The following ADAMTS3 variants were observed in gnomAD, a reference collection of about 807,000 sequenced individuals.
The protein encoded by ADAMTS3 is A disintegrin and metalloproteinase with thrombospondin motifs 3.
Under a neutral mutation model 129.0 loss-of-function variants are expected in ADAMTS3, and 73 were observed. The observed-to-expected ratio is 0.57, with a 90% CI of 0.47 to 0.69. ADAMTS3 has a LOEUF of 0.69. Among genes scored for constraint, ADAMTS3 ranks in the 30% least tolerant of loss-of-function variants. ADAMTS3 has a pLI of 0.00. For missense variants in ADAMTS3, 1,457 were observed against 1,514.5 expected (o/e 0.96, Z 0.63); for synonymous variants, 477 against 510.8 (o/e 0.93, Z 0.89).
intron 3 of ADAMTS3, among the ~76,000 whole-genome samples, chr4:72,491,998 A>T (rs1398673052): frequency 6.6e-6 from 1 of 151,670 alleles, no homozygotes; most frequent in Non-Finnish European, 1.5e-5. Flanking sequence ...GTAGTTTGAA[A>T]GTTTCTCAAA....
At chr4:72,444,347 G>C (rs1718197816) in intron 3 of ADAMTS3, among the ~76,000 whole-genome samples, 2 of 151,644 alleles carry the variant, frequency 1.3e-5, no homozygotes. Context: ...ATAAAAAACA[G>C]GTTGGTAGCT....
Position 72,311,171 on chromosome 4 carries a change from T to A in ADAMTS3, c.1932A>T (p.Arg644Ser), listed in dbSNP as rs1345390286. The change falls in exon 14 of 22, where the codon AGA becomes AGT. Residue 644 changes from arginine (R) to serine (S), a missense_variant. Transcript: ENST00000286657. The stretch of plus-strand genomic sequence containing the variant: ...CCTTGGACTGACAGTAAAGGTGGCA[T>A]CTTTTCTTGGCTGCATAAGATGGAG... ...LPYEHPDPKK[R>S]CHLYCQSKET... 6.2e-7 allele frequency: 1 copy of A among 1,610,714 alleles called. No homozygotes were observed. Among genetic ancestry groups the A allele is most frequent in the African/African-American group, 1.3e-5 (1 of 74,790 alleles).
At chr4:72,313,527 CA>C in intron 12 of ADAMTS3, 149 bp downstream of exon 12, 1 of 743,684 alleles carries the variant, frequency 1.3e-6, no homozygotes, top group Non-Finnish European at 2.1e-6. Flanking sequence ...GGAGATGTAT[CA>C]AAAACACAGA....
chr4:72,316,794 A>G (rs1719410058), intron 10 of ADAMTS3, among the ~76,000 whole-genome samples: 1 of 152,118 alleles, frequency 6.6e-6, no homozygotes, highest in Non-Finnish European at 1.5e-5. Context: ...TATTCTAGGT[A>G]CAACAAAATA....
chr4:72,457,848 TTTGTTG>T (rs35050154), intron 3 of ADAMTS3, among the ~76,000 whole-genome samples: 1 of 151,056 alleles, frequency 6.6e-6, no homozygotes, highest in African/African-American at 2.4e-5. Flanking sequence ...ACTCTCTTGT[TTTGTTG>T]TTGTTGTTGT....
chr4:72,400,124 ACG>A (rs1721862645), intron 4 of ADAMTS3, among the ~76,000 whole-genome samples: 1 of 126,944 alleles, frequency 7.9e-6, no homozygotes, highest in Non-Finnish European at 1.7e-5. Context: ...GTGTGTATAT[ACG>A]TGTGTATATA....
intron 3 of ADAMTS3, among the ~76,000 whole-genome samples, chr4:72,471,847 T>C (rs1361743474): frequency 6.6e-6 from 1 of 152,048 alleles, no homozygotes; most frequent in Non-Finnish European, 1.5e-5. Flanking sequence ...TAGATAGATA[T>C]AATCTATATA....
At chr4:72,394,570 C>T (rs1165793106) in intron 4 of ADAMTS3, among the ~76,000 whole-genome samples, 1 of 152,184 alleles carries the variant, frequency 6.6e-6, no homozygotes, top group Non-Finnish European at 1.5e-5. Context: ...GATCTCTTCA[C>T]CCAAAACATT....
At chr4:72,374,505 A>C (rs1000358745) in intron 4 of ADAMTS3, among the ~76,000 whole-genome samples, 3 of 152,212 alleles carry the variant, frequency 2.0e-5, no homozygotes, top group Non-Finnish European at 4.4e-5. Flanking sequence ...GGAAGAAGAA[A>C]GCTATGAATA....
intron 3 of ADAMTS3, among the ~76,000 whole-genome samples, chr4:72,431,110 T>G (rs886722460): frequency 1.3e-5 from 2 of 151,838 alleles, no homozygotes; most frequent in African/African-American, 4.8e-5. Context: ...GAAAAAGTTC[T>G]AAGGAAAGAA....
intron 4 of ADAMTS3, among the ~76,000 whole-genome samples, chr4:72,376,984 C>G (rs1016168456): frequency 6.6e-6 from 1 of 151,984 alleles, no homozygotes; most frequent in Non-Finnish European, 1.5e-5. Flanking sequence ...AATTTGAATA[C>G]TGAAAAAGAG....
chr4:72,443,804 A>G (rs1380408918), intron 3 of ADAMTS3, among the ~76,000 whole-genome samples: 1 of 151,626 alleles, frequency 6.6e-6, no homozygotes, highest in East Asian at 2.0e-4. Context: ...TGGCAGTAGA[A>G]AAGAGTAATA....
rs1721805969 is a variant in ADAMTS3 at position 72,557,785 on chromosome 4, GA to G, written c.98-8902del. 2.0e-5 allele frequency among the ~76,000 whole-genome samples: 3 copies of G among 151,686 alleles called. No individual in the cohort carries two copies. In the South Asian group the frequency reaches 6.2e-4, roughly 31 times the overall value. On this transcript the variant is annotated intron_variant, in intron 2 of 21. Transcript: ENST00000286657. ...AAAAAAAGAAAAAGCATGCTTTGAA[GA>G]AAAATATCCAAGCATTTTATTTGCT...
chr4:72,370,497 T>C (rs1720978403), intron 4 of ADAMTS3, among the ~76,000 whole-genome samples: 1 of 152,154 alleles, frequency 6.6e-6, no homozygotes, highest in Admixed American at 6.6e-5. Context: ...CTTAATGGTG[T>C]TGTGTGTGTG....
rs145748048 is a variant in ADAMTS3, at chr4:72,480,908, A to C, written c.505-65937T>G. ...ACCTGCAAAAATAAATTGTATTTTA[A>C]TATCAATAATGAATATATGGGAAGA... On this transcript the variant is annotated intron_variant, in intron 3 of 21. Transcript: ENST00000286657. 5.9e-3 allele frequency among the ~76,000 whole-genome samples: 901 copies of C among 152,132 alleles called. 13 individuals are homozygous for C. Among genetic ancestry groups the C allele is most frequent in the African/African-American group, 0.021 (869 of 41,552 alleles).
intron 6 of ADAMTS3, among the ~76,000 whole-genome samples, chr4:72,321,254 C>T (rs919117652): frequency 6.6e-5 from 10 of 152,118 alleles, no homozygotes; most frequent in African/African-American, 2.4e-4. Flanking sequence ...TCACTGCAAC[C>T]TCTGCCTCTC....
intron 12 of ADAMTS3, 95 bp from the exon 13 acceptor site, chr4:72,312,561 C>T: frequency 1.6e-6 from 2 of 1,231,148 alleles, no homozygotes; most frequent in Non-Finnish European, 2.3e-6. Flanking sequence ...GCCAAAGTTT[C>T]TGGGCTGCCA....
At chr4:72,521,607 T>G (rs907582563) in intron 3 of ADAMTS3, among the ~76,000 whole-genome samples, 1 of 152,114 alleles carries the variant, frequency 6.6e-6, no homozygotes, top group Non-Finnish European at 1.5e-5. Context: ...TTTGAAATGG[T>G]TCCAAAAATA....
intron 2 of ADAMTS3, among the ~76,000 whole-genome samples, chr4:72,558,138 C>T (rs1458175365): frequency 6.6e-6 from 1 of 151,836 alleles, no homozygotes; most frequent in Admixed American, 6.5e-5. Flanking sequence ...GTGGACAGCA[C>T]TGTTAAAGGT....
Sources: gnomAD v4.1 joint callset for allele counts (sites outside exome capture counted in the v4.1 genomes callset) on GRCh38, gnomAD v4.1.1 for gene constraint, MANE v1.5 for transcripts, NCBI Gene and HGNC (gene_info 2026-07-23, HGNC 2026-07-21) for gene names.